Variants in MDGA2 observed in about 807,000 individuals in gnomAD.
MDGA2 encodes the protein MAM domain-containing glycosylphosphatidylinositol anchor protein 2.
In MDGA2, 40 loss-of-function variants were observed where a neutral mutation model predicts 117.8. The ratio of observed to expected loss-of-function variants is 0.34; its 90% CI spans 0.26 to 0.44. The LOEUF (loss-of-function observed/expected upper bound fraction) is 0.44, where lower values mean the gene tolerates loss of function less well. MDGA2 is among the 20% of genes least tolerant of loss of function. The probability of loss-of-function intolerance (pLI) is 1.00; values close to 1 mark genes in which losing one functional copy is unlikely to be tolerated. For missense variants in MDGA2, 1,123 were observed against 1,250.6 expected (o/e 0.90, Z 1.54); for synonymous variants, 452 against 439.0 (o/e 1.03, Z -0.37).
intron 8 of MDGA2, among the ~76,000 whole-genome samples, chr14:46,964,928 T>TTTTTTTTC (rs1885960227): frequency 9.5e-6 from 1 of 105,654 alleles, no homozygotes; most frequent in Non-Finnish European, 1.7e-5. Context: ...ACTTTTTTTT[T>TTTTTTTTC]TTTTTTTTTT....
At position 47,406,959 on chromosome 14, in the gene MDGA2, T is replaced by G. The variant is rs559294113; in HGVS notation, c.281-105409A>C. On this transcript the variant is annotated intron_variant, in intron 1 of 16. Coordinates refer to ENST00000399232, the MANE Select transcript of MDGA2 (RefSeq NM_001113498.3). ...ACTATGCTATGTACAGTATGAACTT[T>G]TATTCATTTTTTTCATTTAATATAT... 5.3e-5 allele frequency among the ~76,000 whole-genome samples: 8 copies of G among 152,220 alleles called. No individual in the cohort carries two copies. In the South Asian group the frequency reaches 1.7e-3, roughly 32 times the overall value.
At chr14:47,226,246 TAA>T (rs1886497477) in intron 2 of MDGA2, among the ~76,000 whole-genome samples, 1 of 150,996 alleles carries the variant, frequency 6.6e-6, no homozygotes. Context: ...AATAAATAAA[TAA>T]ATAAATAAAT....
chr14:47,429,319 T>C (rs1231057691), intron 1 of MDGA2, among the ~76,000 whole-genome samples: 1 of 152,038 alleles, frequency 6.6e-6, no homozygotes, highest in Non-Finnish European at 1.5e-5. Context: ...TATATGTGCA[T>C]ATATGTCAAA....
intron 1 of MDGA2, among the ~76,000 whole-genome samples, chr14:47,328,733 C>A (rs778079850): frequency 6.6e-6 from 1 of 152,084 alleles, no homozygotes; most frequent in Non-Finnish European, 1.5e-5. Context: ...AAGCCTTTCA[C>A]TGAAGGAAAT....
At chr14:47,165,256 A>C (rs1883822166) in intron 3 of MDGA2, among the ~76,000 whole-genome samples, 1 of 151,686 alleles carries the variant, frequency 6.6e-6, no homozygotes, top group African/African-American at 2.4e-5. Context: ...ATAATAAAAA[A>C]ATACAAAAAA....
intron 1 of MDGA2, among the ~76,000 whole-genome samples, chr14:47,583,177 T>C (rs1258489061): frequency 6.6e-6 from 1 of 151,796 alleles, no homozygotes; most frequent in Non-Finnish European, 1.5e-5. Flanking sequence ...AAACAGACAA[T>C]GTGCAAGTAA....
At chr14:47,537,248 T>A (rs184820312) in intron 1 of MDGA2, among the ~76,000 whole-genome samples, 14 of 132,296 alleles carry the variant, frequency 1.1e-4, no homozygotes, top group Admixed American at 9.9e-4. Flanking sequence ...TAGGTGGGAA[T>A]TGAACAATGA....
intron 1 of MDGA2, among the ~76,000 whole-genome samples, chr14:47,479,853 T>A (rs1401455121): frequency 6.6e-6 from 1 of 152,076 alleles, no homozygotes; most frequent in Non-Finnish European, 1.5e-5. Context: ...AAAACCTCAG[T>A]TATATTTACA....
chr14:47,093,737 A>G (rs949031756), intron 6 of MDGA2, among the ~76,000 whole-genome samples: 3 of 152,072 alleles, frequency 2.0e-5, no homozygotes, highest in African/African-American at 4.8e-5. Flanking sequence ...ACTCTTCTCT[A>G]TTTTTAAAAA....
At position 46,957,449 on chromosome 14, in the gene MDGA2, TG is replaced by T; in HGVS notation, c.2013del (p.Asn672MetfsTer12). On this transcript the variant is annotated frameshift_variant, in exon 9 of 17. Transcript: ENST00000399232. LOFTEE classifies it high-confidence loss of function. ...CAGTTATAAACCCCATAGTTTTCAT[TG>T]GAAAGACTCTTCACAGCGTACTCTG... ...EYTEYAVKSL[S>X]NENYGVYNCS... The T allele has an allele frequency of 6.2e-7, 1 of 1,614,172 alleles. No individual in the cohort carries two copies. The highest frequency in any genetic ancestry group is 8.5e-7 in the Non-Finnish European group (1 of 1,180,004).
In MDGA2 at chr14:47,010,333, T is replaced by G. The variant is rs929965941; in HGVS notation, c.1819+24678A>C. ...GCTTAAAGGTAATCAGATAAGGATT[T>G]AAGATCTTAGGAAAAAAATAGATAT... On this transcript the variant is annotated intron_variant, in intron 8 of 16. Transcript: ENST00000399232. 9.8e-5 allele frequency among the ~76,000 whole-genome samples: 9 copies of G among 91,388 alleles called. No individual in the cohort carries two copies. In the East Asian group the frequency reaches 3.2e-3, roughly 32 times the overall value. The allele number at this position is 91,388 out of a possible 152,430, so 60.0% of individuals were successfully genotyped here.
chr14:47,661,905 T>C (rs1325523217), intron 1 of MDGA2, among the ~76,000 whole-genome samples: 1 of 152,020 alleles, frequency 6.6e-6, no homozygotes, highest in Admixed American at 6.6e-5. Context: ...CCGGCTAATT[T>C]TTTGTATTTT....
At chr14:47,334,236 C>A (rs562442529) in intron 1 of MDGA2, among the ~76,000 whole-genome samples, 61 of 151,862 alleles carry the variant, frequency 4.0e-4, no homozygotes, top group African/African-American at 1.4e-3. Context: ...TATATCAGAC[C>A]TGTTTTCAAA....
chr14:47,471,121 T>A (rs1223772733), intron 1 of MDGA2, among the ~76,000 whole-genome samples: 3 of 152,168 alleles, frequency 2.0e-5, no homozygotes, highest in Non-Finnish European at 2.9e-5. Context: ...GTGCAAGGAA[T>A]AAGTGTGTCT....
intron 1 of MDGA2, among the ~76,000 whole-genome samples, chr14:47,479,192 AT>A (rs1294343969): frequency 6.6e-6 from 1 of 152,186 alleles, no homozygotes; most frequent in Non-Finnish European, 1.5e-5. Flanking sequence ...GATTTAAATA[AT>A]AATATTCAAT....
chr14:47,388,538 C>A (rs1240738581), intron 1 of MDGA2, among the ~76,000 whole-genome samples: 1 of 152,164 alleles, frequency 6.6e-6, no homozygotes, highest in African/African-American at 2.4e-5. Flanking sequence ...GTTCATCTAT[C>A]TTAACTGGTT....
At chr14:46,935,346 A>G (rs1884741832) in intron 9 of MDGA2, among the ~76,000 whole-genome samples, 1 of 152,140 alleles carries the variant, frequency 6.6e-6, no homozygotes, top group Non-Finnish European at 1.5e-5. Flanking sequence ...TCCCGCACCT[A>G]AGAAATACTA....
At chr14:47,358,426 G>A (rs568633693) in intron 1 of MDGA2, among the ~76,000 whole-genome samples, 74 of 152,238 alleles carry the variant, frequency 4.9e-4, no homozygotes, top group African/African-American at 1.6e-3. Flanking sequence ...AAACCCACCC[G>A]TTGTGCGGGT....
intron 3 of MDGA2, among the ~76,000 whole-genome samples, chr14:47,152,147 G>A (rs924716415): frequency 7.9e-5 from 12 of 151,990 alleles, no homozygotes; most frequent in East Asian, 3.9e-4. Context: ...AGAAATAACT[G>A]TCTCCCAATT....
Sources: allele counts gnomAD v4.1 joint callset (sites outside exome capture counted in the v4.1 genomes callset), GRCh38; gene constraint gnomAD v4.1.1; transcripts MANE v1.5; gene names NCBI Gene and HGNC (gene_info 2026-07-23, HGNC 2026-07-21).